CIZ1: variants seen among roughly 807,000 people sequenced by gnomAD.
CIZ1 encodes the protein CDKN1A interacting zinc finger protein 1, also known as cip1-interacting zinc finger protein.
Under a neutral mutation model 118.6 loss-of-function variants are expected in CIZ1, and 58 were observed. The observed-to-expected ratio is 0.49, with a 90% CI of 0.40 to 0.61. CIZ1 has a LOEUF of 0.61. CIZ1 is among the 20% of genes least tolerant of loss of function. CIZ1 has a pLI of 0.00. For missense variants in CIZ1, 921 were observed against 1,115.9 expected, an observed-to-expected ratio of 0.83 and a Z score of 2.49; for synonymous variants, 448 against 443.4, an observed-to-expected ratio of 1.01 and a Z score of -0.13.
chr9:128,185,287 A>G (rs1338277014), intron 5 of CIZ1, among the ~76,000 whole-genome samples: 2 of 152,320 alleles, frequency 1.3e-5, no homozygotes, highest in East Asian at 3.9e-4. Flanking sequence ...TCAAAAAACA[A>G]ACAAAAAAGA....
At chr9:128,190,550 G>A (rs762525091) in intron 2 of CIZ1, 106 bp from the exon 3 acceptor site, 99 of 1,348,226 alleles carry the variant, frequency 7.3e-5, no homozygotes, top group Non-Finnish European at 9.8e-5. Flanking sequence ...GGTAGACAGA[G>A]GACCCCTTGG....
At chr9:128,192,400 G>C (rs1018032984), upstream of CIZ1, among the ~76,000 whole-genome samples, 3 of 151,028 alleles carry the variant, frequency 2.0e-5, no homozygotes, top group African/African-American at 7.3e-5. Context: ...AAAAAGAAAA[G>C]GAGAGGAAAA....
At chr9:128,193,532 A>G (rs1833298204), upstream of CIZ1, among the ~76,000 whole-genome samples, 1 of 151,788 alleles carries the variant, frequency 6.6e-6, no homozygotes, top group South Asian at 2.1e-4. Context: ...CCAACATGGT[A>G]AAACTACGTG....
At chr9:128,189,331 T>C (rs1378356722) in intron 3 of CIZ1, among the ~76,000 whole-genome samples, 1 of 152,214 alleles carries the variant, frequency 6.6e-6, no homozygotes, top group Non-Finnish European at 1.5e-5. Context: ...TCTACCTACC[T>C]GCTTATCATT....
In CIZ1 at chr9:128,170,004, G is replaced by A. The variant is rs45441602; in HGVS notation, c.2031+16C>T. ...ACGGCAGTGCGGGTGCCTCTGCAGC[G>A]TGCAGGCCCTCCTACCTTGTGGTCC... On this transcript the variant is annotated intron_variant, in intron 12 of 16. Transcript: ENST00000372938. The A allele has an allele frequency of 2.8e-4, 448 of 1,607,540 alleles. 2 individuals carry two copies. The African/African-American group carries it at 4.8e-3, about 17-fold the overall frequency.
intron 11 of CIZ1, among the ~76,000 whole-genome samples, chr9:128,173,772 C>A (rs529551230): frequency 6.6e-6 from 1 of 151,884 alleles, no homozygotes; most frequent in Non-Finnish European, 1.5e-5. Flanking sequence ...TTTGGGAGGC[C>A]AAGGCGGGCA....
chr9:128,178,519 A>T, intron 8 of CIZ1, 29 bp from the exon 9 acceptor site: 1 of 1,613,986 alleles, frequency 6.2e-7, no homozygotes, highest in Non-Finnish European at 8.5e-7. Context: ...TGTATTTCCC[A>T]GAGTCCCCAG....
In CIZ1 at chr9:128,179,100, T is replaced by C; in HGVS notation, c.1107A>G (p.Ala369=). Residue 369 remains alanine (A), a synonymous_variant, in exon 8 of 17, where the codon GCA becomes GCG. Coordinates refer to ENST00000372938, the MANE Select transcript of CIZ1 (RefSeq NM_001131016.2). ...GTGGCTGCACCTGCTTCTGTGGCTC[T>C]GCCTCCTGCTGCAGCTGTGGCTGCA... ...KQVQPQLQQE[A]EPQKQVQPQV... The C allele has an allele frequency of 1.2e-6, 2 of 1,613,992 alleles. No homozygotes were observed. The highest frequency in any genetic ancestry group is 1.7e-6 in the Non-Finnish European group (2 of 1,179,866).
intron 3 of CIZ1, among the ~76,000 whole-genome samples, chr9:128,189,197 A>G (rs1341505035): frequency 6.6e-6 from 1 of 151,976 alleles, no homozygotes; most frequent in East Asian, 1.9e-4. Context: ...TTGGCCTCCC[A>G]AAGTGCTGGG....
At position 128,180,503 on chromosome 9, in the gene CIZ1, G is replaced by A. The variant is rs773783827; in HGVS notation, c.703C>T (p.Pro235Ser). The change falls in exon 7 of 17, where the codon CCA becomes TCA. Residue 235 changes from proline (P) to serine (S), a missense_variant. Physicochemically the swap from Pro to Ser is moderately conservative, Grantham distance 74 (BLOSUM62 -1). Coordinates refer to ENST00000372938, the MANE Select transcript of CIZ1 (RefSeq NM_001131016.2). ...CGTTTTTCCTTGGCGATGTCCTCTG[G>A]GCAGGGCGGTAAATCTTGGTCTGGA... is the stretch of plus-strand genomic sequence containing the variant. ...TPEDQDLPPC[P>S]EDIAKEKRTP... 2.8e-5 allele frequency: 45 copies of A among 1,613,954 alleles called. No homozygotes were observed. In the East Asian group the frequency reaches 9.6e-4, roughly 34 times the overall value.
intron 11 of CIZ1, among the ~76,000 whole-genome samples, chr9:128,172,147 CAAAAAAAAAAAAAAAAAAA>C (rs58895140): frequency 1.4e-5 from 1 of 69,170 alleles, no homozygotes; most frequent in Non-Finnish European, 2.4e-5. Context: ...GACACTGTCT[CAAAAAAAAAAAAAAAAAAA>C]AAAAAAAAAA....
chr9:128,195,978 G>T (rs1294950605), upstream of CIZ1, among the ~76,000 whole-genome samples: 1 of 152,008 alleles, frequency 6.6e-6, no homozygotes, highest in Non-Finnish European at 1.5e-5. Flanking sequence ...TGATTCTTGT[G>T]TCTCAGCCTC....
intron 11 of CIZ1, among the ~76,000 whole-genome samples, chr9:128,174,337 C>T (rs1397231784): frequency 1.3e-5 from 2 of 152,168 alleles, no homozygotes; most frequent in Admixed American, 6.5e-5. Flanking sequence ...GTTCTGCTAC[C>T]GCAGACACAG....
chr9:128,175,992 C>A (rs45553736), intron 11 of CIZ1, among the ~76,000 whole-genome samples: 3,946 of 152,282 alleles, frequency 0.026, 167 homozygotes, highest in African/African-American at 0.089. Flanking sequence ...GAAACCCTAA[C>A]CTCCAACCAC....
At chr9:128,198,612 T>C (rs750647829) in intron 1 of CIZ1, among the ~76,000 whole-genome samples, 2 of 151,526 alleles carry the variant, frequency 1.3e-5, no homozygotes, top group Non-Finnish European at 2.9e-5. Flanking sequence ...GGCGGGCAGA[T>C]CACGAGGTCA....
rs1830860448 is a variant in CIZ1, at chr9:128,176,459, A to G, written c.1835T>C (p.Met612Thr). 6.2e-7 allele frequency: 1 copy of G among 1,613,432 alleles called. No homozygotes were observed. Among genetic ancestry groups the G allele is most frequent in the Non-Finnish European group, 8.5e-7 (1 of 1,179,890 alleles). The change falls in exon 11 of 17, where the codon ATG (methionine) becomes ACG (threonine). Residue 612 changes from methionine to threonine, a missense_variant. By Grantham distance (81) the Met-to-Thr change is moderately conservative. Transcript: ENST00000372938. ...CSSQQEFQDH[M>T]SEPQHQQRLG... ...CCGCTGCTGGTGCTGAGGCTCCGAC[A>G]TGTGGTCCTGGAACTCCTGCAGCAG...
upstream of CIZ1, among the ~76,000 whole-genome samples, chr9:128,196,104 T>C (rs1370537872): frequency 1.3e-5 from 2 of 152,172 alleles, no homozygotes; most frequent in Non-Finnish European, 2.9e-5. Flanking sequence ...TGACTTCAGA[T>C]GATCCACCCA....
At chr9:128,168,790 G>A (rs565665816) in intron 14 of CIZ1, 16 of 471,888 alleles carry the variant, frequency 3.4e-5, no homozygotes, top group Admixed American at 2.8e-4. Context: ...TCCCACCTCC[G>A]TGCCTTTACT....
intron 1 of CIZ1, among the ~76,000 whole-genome samples, chr9:128,201,135 G>A (rs912192504): frequency 2.0e-5 from 3 of 152,026 alleles, no homozygotes; most frequent in African/African-American, 7.3e-5. Context: ...GGGCGTGGTG[G>A]CACGAGCCTG....
Sources: allele counts gnomAD v4.1 joint callset (sites outside exome capture counted in the v4.1 genomes callset), GRCh38; gene constraint gnomAD v4.1.1; transcripts MANE v1.5; gene names NCBI Gene and HGNC (gene_info 2026-07-23, HGNC 2026-07-21).